SYN2: variants seen among roughly 807,000 people sequenced by gnomAD.
SYN2 encodes synapsin II, also known as synapsin-2.
In SYN2, 19 loss-of-function variants were observed where a neutral mutation model predicts 50.9. That is an observed-to-expected ratio of 0.37 (90% CI 0.26 to 0.55). SYN2 has a LOEUF of 0.55. Among genes scored for constraint, SYN2 ranks in the 20% least tolerant of loss-of-function variants. The pLI, the probability that SYN2 is intolerant of heterozygous loss-of-function variation, is 0.81. For missense variants in SYN2, 587 were observed against 576.4 expected (o/e 1.02, Z -0.19); for synonymous variants, 255 against 224.9 (o/e 1.13, Z -1.20).
intron 2 of SYN2, 55 bp downstream of exon 2, chr3:12,140,763 A>G: frequency 2.8e-6 from 2 of 725,916 alleles, no homozygotes; most frequent in Non-Finnish European, 2.6e-6. Flanking sequence ...TCCTCTTGAC[A>G]TGCCAGAGTG....
chr3:12,075,183 T>C (rs1321972575), intron 1 of SYN2, among the ~76,000 whole-genome samples: 1 of 152,130 alleles, frequency 6.6e-6, no homozygotes, highest in Non-Finnish European at 1.5e-5. Context: ...TTGGCCCAAG[T>C]TCTTAAAGAT....
chr3:12,128,301 G>T (rs1393741244), intron 1 of SYN2, among the ~76,000 whole-genome samples: 1 of 152,084 alleles, frequency 6.6e-6, no homozygotes, highest in Non-Finnish European at 1.5e-5. Context: ...TGGAAATCGG[G>T]TCCTCAGTTT....
intron 1 of SYN2, among the ~76,000 whole-genome samples, chr3:12,036,163 GACCCACTC>G (rs1316627310): frequency 1.6e-4 from 24 of 152,052 alleles, no homozygotes; most frequent in Admixed American, 3.3e-4. Context: ...ATCTTAGGCT[GACCCACTC>G]ACATGGCTCC....
At chr3:12,053,237 A>G (rs527720183) in intron 1 of SYN2, among the ~76,000 whole-genome samples, 3 of 151,744 alleles carry the variant, frequency 2.0e-5, no homozygotes, top group Non-Finnish European at 4.4e-5. Context: ...CCTCACCAAC[A>G]TGGTGAAACC....
intron 1 of SYN2, among the ~76,000 whole-genome samples, chr3:12,006,147 G>C (rs1051815312): frequency 6.6e-6 from 1 of 152,106 alleles, no homozygotes; most frequent in Admixed American, 6.5e-5. Flanking sequence ...CTCTCTTTGG[G>C]AGACCCAGAG....
intron 1 of SYN2, among the ~76,000 whole-genome samples, chr3:12,103,807 G>C (rs1010875209): frequency 1.3e-5 from 2 of 152,084 alleles, no homozygotes; most frequent in African/African-American, 4.8e-5. Flanking sequence ...AATAAAAAAA[G>C]AAGTGGCCAG....
intron 1 of SYN2, among the ~76,000 whole-genome samples, chr3:12,092,140 C>T (rs746543524): frequency 4.6e-5 from 7 of 151,916 alleles, no homozygotes; most frequent in East Asian, 3.8e-4. Flanking sequence ...CATTTAAGGC[C>T]GATTATCAGA....
At chr3:12,095,285 C>T (rs930027819) in intron 1 of SYN2, among the ~76,000 whole-genome samples, 5 of 150,928 alleles carry the variant, frequency 3.3e-5, no homozygotes, top group Non-Finnish European at 4.4e-5. Context: ...TGACTAAAGC[C>T]CGTAATCCTA....
chr3:12,098,426 A>G (rs1180153373), intron 1 of SYN2, among the ~76,000 whole-genome samples: 1 of 152,190 alleles, frequency 6.6e-6, no homozygotes, highest in Non-Finnish European at 1.5e-5. Flanking sequence ...CAAAGGATGT[A>G]GGGTGAGGAG....
chr3:12,069,536 T>C (rs893910711), intron 1 of SYN2, among the ~76,000 whole-genome samples: 1 of 152,058 alleles, frequency 6.6e-6, no homozygotes, highest in Non-Finnish European at 1.5e-5. Context: ...TGTGAGCCAC[T>C]GCGCCCGGCC....
At chr3:12,015,655 T>G (rs1694013171) in intron 1 of SYN2, among the ~76,000 whole-genome samples, 1 of 152,238 alleles carries the variant, frequency 6.6e-6, no homozygotes, top group East Asian at 1.9e-4. Context: ...TAAGGCTGAT[T>G]ACGTACCTGC....
intron 3 of SYN2, 96 bp from the exon 4 acceptor site, chr3:12,145,583 C>T: frequency 7.2e-7 from 1 of 1,395,602 alleles, no homozygotes; most frequent in South Asian, 1.3e-5. Context: ...GGTTCCTAAG[C>T]CCTCTTCTTT....
chr3:12,044,634 G>A (rs775854670), intron 1 of SYN2, among the ~76,000 whole-genome samples: 1 of 152,140 alleles, frequency 6.6e-6, no homozygotes, highest in Non-Finnish European at 1.5e-5. Context: ...TTATAGGGGT[G>A]TATGGAGGCA....
At chr3:12,024,149 C>CTTTTT (rs35513783) in intron 1 of SYN2, among the ~76,000 whole-genome samples, 3 of 68,334 alleles carry the variant, frequency 4.4e-5, no homozygotes, top group Non-Finnish European at 7.7e-5. Flanking sequence ...TCATTACTTC[C>CTTTTT]TTTTTTTTTT....
intron 1 of SYN2, among the ~76,000 whole-genome samples, chr3:12,016,949 G>C (rs1025096913): frequency 6.6e-6 from 1 of 152,106 alleles, no homozygotes; most frequent in Non-Finnish European, 1.5e-5. Flanking sequence ...GTTTCTAAAG[G>C]TTGGACTGTT....
chr3:12,026,418 T>C (rs544505421), intron 1 of SYN2, among the ~76,000 whole-genome samples: 27 of 151,960 alleles, frequency 1.8e-4, no homozygotes, highest in African/African-American at 5.5e-4. Flanking sequence ...AAAAAATATA[T>C]ATACAAGGCC....
intron 1 of SYN2, among the ~76,000 whole-genome samples, chr3:12,015,919 CT>C (rs1449937954): frequency 2.0e-5 from 3 of 152,210 alleles, no homozygotes; most frequent in Admixed American, 6.5e-5. Context: ...CCTCTTATCT[CT>C]TTCTCTGTTC....
intron 1 of SYN2, among the ~76,000 whole-genome samples, chr3:12,015,187 C>T (rs1694001905): frequency 6.6e-6 from 1 of 152,220 alleles, no homozygotes; most frequent in Non-Finnish European, 1.5e-5. Flanking sequence ...AGACTCAACT[C>T]AGTTGTTGCA....
chr3:12,163,439 C>G (rs2125237853), intron 7 of SYN2, among the ~76,000 whole-genome samples: 1 of 151,792 alleles, frequency 6.6e-6, no homozygotes, highest in South Asian at 2.1e-4. Context: ...ACTCCCCACC[C>G]CTTGAGTGAG....
Sources: gnomAD v4.1 joint callset for allele counts (sites outside exome capture counted in the v4.1 genomes callset) on GRCh38, gnomAD v4.1.1 for gene constraint, MANE v1.5 for transcripts, NCBI Gene and HGNC (gene_info 2026-07-23, HGNC 2026-07-21) for gene names.